EFNA5: variants seen among roughly 807,000 people sequenced by gnomAD.
EFNA5 encodes ephrin A5.
EFNA5 carries 5 observed loss-of-function variants against 22.9 expected under a neutral mutation model. The observed-to-expected ratio is 0.22, with a 90% CI of 0.11 to 0.46. The LOEUF (loss-of-function observed/expected upper bound fraction) is 0.46. EFNA5 is among the 20% of genes least tolerant of loss of function. The pLI is 0.99. For missense variants in EFNA5, 237 were observed against 293.3 expected (o/e 0.81, Z 1.40); for synonymous variants, 113 against 112.2 (o/e 1.01, Z -0.04).
intron 2 of EFNA5, among the ~76,000 whole-genome samples, chr5:107,420,316 T>A (rs1405547434): frequency 6.6e-6 from 1 of 152,036 alleles, no homozygotes; most frequent in African/African-American, 2.4e-5. Flanking sequence ...TTACTGAAGT[T>A]GTTATTTTGG....
chr5:107,420,200 C>T (rs1428717982), intron 2 of EFNA5, among the ~76,000 whole-genome samples: 2 of 152,086 alleles, frequency 1.3e-5, no homozygotes, highest in African/African-American at 4.8e-5. Flanking sequence ...GGTCTTAAAA[C>T]TTAATCTTTA....
intron 1 of EFNA5, among the ~76,000 whole-genome samples, chr5:107,606,373 T>TA (rs1749712998): frequency 6.6e-6 from 1 of 152,188 alleles, no homozygotes; most frequent in South Asian, 2.1e-4. Context: ...TTTCTCTTCC[T>TA]ACTGGGTGAA....
chr5:107,407,926 T>C (rs1011909517), intron 2 of EFNA5, among the ~76,000 whole-genome samples: 9 of 152,212 alleles, frequency 5.9e-5, no homozygotes, highest in Non-Finnish European at 1.2e-4. Flanking sequence ...ATTAAGATAT[T>C]ACTCCTGAAG....
At chr5:107,437,585 A>AT (rs1279501827) in intron 1 of EFNA5, among the ~76,000 whole-genome samples, 2 of 152,316 alleles carry the variant, frequency 1.3e-5, no homozygotes, top group East Asian at 3.9e-4. Flanking sequence ...ATATAGATTT[A>AT]TTTTTTACGT....
intron 1 of EFNA5, among the ~76,000 whole-genome samples, chr5:107,581,336 C>G (rs1331411796): frequency 6.6e-6 from 1 of 152,148 alleles, no homozygotes; most frequent in Admixed American, 6.5e-5. Flanking sequence ...GTGATATGAT[C>G]CTGAGAGATT....
At chr5:107,449,940 T>C (rs557986232) in intron 1 of EFNA5, among the ~76,000 whole-genome samples, 1 of 152,346 alleles carries the variant, frequency 6.6e-6, no homozygotes, top group South Asian at 2.1e-4. Flanking sequence ...GTGATTTCTT[T>C]TGTTTCTCTA....
At chr5:107,559,172 C>G (rs991792034) in intron 1 of EFNA5, among the ~76,000 whole-genome samples, 8 of 152,160 alleles carry the variant, frequency 5.3e-5, no homozygotes, top group African/African-American at 1.7e-4. Flanking sequence ...TTCCCCCTAC[C>G]CTGGCCCCTC....
At chr5:107,399,314 GAAACGGAAAGGAAAGGA>G (rs1295627511) in intron 2 of EFNA5, among the ~76,000 whole-genome samples, 4 of 140,184 alleles carry the variant, frequency 2.9e-5, no homozygotes, top group African/African-American at 8.0e-5. Flanking sequence ...AGGAAGGAAG[GAAACGGAAAGGAAAGGA>G]AAGGAAAGGA....
Position 107,574,374 on chromosome 5 carries a change from T to A in EFNA5, c.125+96115A>T, listed in dbSNP as rs926644980. ...GGAGCCCTCCCTTGCAAAAAAAAAA[T>A]CATTCAATAAGCTCTGACTGATACC... On this transcript the variant is annotated intron_variant, in intron 1 of 4. Transcript: ENST00000333274. Among the ~76,000 whole-genome samples, 13 of 147,738 alleles carry A rather than the reference T, an allele frequency of 8.8e-5. 1 individual carries two copies. In the South Asian group the frequency reaches 2.7e-3, roughly 31 times the overall value.
At chr5:107,450,735 G>C (rs769106224) in intron 1 of EFNA5, among the ~76,000 whole-genome samples, 5 of 152,200 alleles carry the variant, frequency 3.3e-5, no homozygotes, top group Non-Finnish European at 7.3e-5. Context: ...CGCTGGGGGT[G>C]TTTAGAATTC....
intron 1 of EFNA5, among the ~76,000 whole-genome samples, chr5:107,603,820 T>G (rs1290650251): frequency 1.3e-5 from 2 of 152,152 alleles, no homozygotes; most frequent in African/African-American, 4.8e-5. Context: ...CAAGCCAAAG[T>G]GATAGCAGAA....
intron 1 of EFNA5, among the ~76,000 whole-genome samples, chr5:107,669,787 G>T (rs932800688): frequency 6.6e-6 from 1 of 152,044 alleles, no homozygotes; most frequent in Non-Finnish European, 1.5e-5. Context: ...GACGTAACCC[G>T]GCATTAGATC....
chr5:107,523,538 G>T (rs116329372), intron 1 of EFNA5, among the ~76,000 whole-genome samples: 1 of 152,120 alleles, frequency 6.6e-6, no homozygotes, highest in Admixed American at 6.6e-5. Context: ...TGTGCCTTTC[G>T]GCCTGCTAAG....
chr5:107,556,785 TAAA>T (rs1748429602), intron 1 of EFNA5, among the ~76,000 whole-genome samples: 1 of 141,678 alleles, frequency 7.1e-6, no homozygotes, highest in African/African-American at 2.7e-5. Context: ...AATAAATAAA[TAAA>T]TAAAATAAAA....
At chr5:107,484,939 T>C (rs1303097115) in intron 1 of EFNA5, among the ~76,000 whole-genome samples, 2 of 146,386 alleles carry the variant, frequency 1.4e-5, no homozygotes, top group Non-Finnish European at 3.0e-5. Flanking sequence ...AATTGGAAGA[T>C]GGAGAGATGA....
intron 1 of EFNA5, among the ~76,000 whole-genome samples, chr5:107,605,991 G>T (rs1029554095): frequency 6.6e-6 from 1 of 152,182 alleles, no homozygotes; most frequent in African/African-American, 2.4e-5. Flanking sequence ...TCACTTCAAG[G>T]TGAGAAGGTG....
chr5:107,605,926 G>A (rs997694739), intron 1 of EFNA5, among the ~76,000 whole-genome samples: 1 of 152,152 alleles, frequency 6.6e-6, no homozygotes, highest in Admixed American at 6.5e-5. Flanking sequence ...TCCAGGGGAT[G>A]GAGTATCACT....
intron 1 of EFNA5, among the ~76,000 whole-genome samples, chr5:107,462,892 G>C (rs1452472420): frequency 6.6e-6 from 1 of 152,110 alleles, no homozygotes; most frequent in Non-Finnish European, 1.5e-5. Flanking sequence ...TCATTCATGG[G>C]AATAAGGAGA....
chr5:107,493,213 GTTTTTTT>G (rs571288389), intron 1 of EFNA5, among the ~76,000 whole-genome samples: 2 of 142,104 alleles, frequency 1.4e-5, no homozygotes, highest in East Asian at 2.1e-4. Flanking sequence ...TTTGTTTTTT[GTTTTTTT>G]TTTATCTTTT....
Sources: gnomAD v4.1 joint callset for allele counts (sites outside exome capture counted in the v4.1 genomes callset) on GRCh38, gnomAD v4.1.1 for gene constraint, MANE v1.5 for transcripts, NCBI Gene and HGNC (gene_info 2026-07-23, HGNC 2026-07-21) for gene names.